The following DTHD1 variants were observed in gnomAD, a reference collection of about 807,000 sequenced individuals.
The protein encoded by DTHD1 is death domain containing 1, also known as death domain-containing protein 1.
In DTHD1, 59 loss-of-function variants were observed where a neutral mutation model predicts 74.8. That is an observed-to-expected ratio of 0.79 (90% CI 0.64 to 0.98). DTHD1 has a LOEUF of 0.98. Among genes scored for constraint, DTHD1 ranks in the 50% least tolerant of loss-of-function variants. The pLI, the probability that DTHD1 is intolerant of heterozygous loss-of-function variation, is 0.00. For missense variants in DTHD1, 1,051 were observed against 1,065.4 expected (o/e 0.99, Z 0.19); for synonymous variants, 365 against 371.1 (o/e 0.98, Z 0.19).
chr4:36,302,032 G>C (rs1578451029), intron 5 of DTHD1, among the ~76,000 whole-genome samples: 1 of 152,138 alleles, frequency 6.6e-6, no homozygotes, highest in East Asian at 1.9e-4. Context: ...GGGCATGTTG[G>C]GGGCCAGGGT....
rs573650901 is a variant in DTHD1, at chr4:36,334,802, A to T, written c.2341-4310A>T. Among the ~76,000 whole-genome samples the T allele has an allele frequency of 2.8e-4, 42 of 152,356 alleles. No homozygotes were observed. In the South Asian group the frequency reaches 7.7e-3, roughly 28 times the overall value. ...AATGGTGGAAGTAATCTTCATGGAT[A>T]CATAAAAACCTTGCTGTGCAGATTG... is the stretch of plus-strand genomic sequence containing the variant. On this transcript the variant is annotated intron_variant, in intron 8 of 9. Coordinates refer to ENST00000639862, the MANE Select transcript of DTHD1 (RefSeq NM_001170700.3).
intron 1 of DTHD1, among the ~76,000 whole-genome samples, chr4:36,282,441 T>G (rs1755454248): frequency 6.6e-6 from 1 of 152,190 alleles, no homozygotes. Flanking sequence ...GTAGTTTGTT[T>G]TTTATATCAG....
In DTHD1 at chr4:36,343,576, A is replaced by G. The variant is rs961842636; in HGVS notation, c.2473A>G (p.Thr825Ala). The stretch of plus-strand genomic sequence containing the variant: ...AGAAAATGCTGAGTCTCTTTCCTCA[A>G]CTCTCCCTCTGCGCCGTAGCACCAT... Reference protein sequence around the residue: ...SEENAESLSSTLPLRRSTIQL... With the variant: ...SEENAESLSSALPLRRSTIQL... Residue 825 changes from threonine (T) to alanine (A), a missense_variant, in exon 10 of 10, where the codon ACT becomes GCT. By Grantham distance (58) the Thr-to-Ala change is moderately conservative (BLOSUM62 0). Transcript: ENST00000639862. 1.9e-6 allele frequency: 3 copies of G among 1,551,000 alleles called. No homozygotes were observed. The highest frequency in any genetic ancestry group is 2.7e-5 in the African/African-American group (2 of 72,840).
At chr4:36,297,697 G>C (rs577288379) in intron 5 of DTHD1, among the ~76,000 whole-genome samples, 16 of 152,230 alleles carry the variant, frequency 1.1e-4, no homozygotes, top group Admixed American at 5.2e-4. Flanking sequence ...TGTGCAGCTG[G>C]AGGTTGTATC....
At position 36,346,589 on chromosome 4, in the gene DTHD1, C is replaced by T. The variant is rs1294653730; in HGVS notation, c.*2765C>T. On this transcript the variant is annotated 3_prime_UTR_variant, in exon 10 of 10. Coordinates refer to ENST00000639862, the MANE Select transcript of DTHD1 (RefSeq NM_001170700.3). ...ACTTGGATTGAGACCTGCCCCTGAA[C>T]ACCCTCAGTATTGATAGACACACCC... 6.6e-6 allele frequency among the ~76,000 whole-genome samples: 1 copy of T among 152,072 alleles called. No individual in the cohort carries two copies. The highest frequency in any genetic ancestry group is 1.5e-5 in the Non-Finnish European group (1 of 68,012).
intron 5 of DTHD1, among the ~76,000 whole-genome samples, chr4:36,304,152 C>T (rs1276633397): frequency 6.6e-6 from 1 of 152,168 alleles, no homozygotes; most frequent in East Asian, 1.9e-4. Context: ...CCTTGGGAGC[C>T]TGTTGGTCTC....
rs910237839 is a variant in DTHD1 at position 36,345,533 on chromosome 4, G to T, written c.*1709G>T. On this transcript the variant is annotated 3_prime_UTR_variant, in exon 10 of 10. Transcript: ENST00000639862. ...AAGACTTCCTTCTACAAATTAACCA[G>T]GGATTTAGATATCTATTCAGGTATA... The T allele has an allele frequency of 9.2e-5, 14 of 152,072 alleles. No homozygotes were observed. Among genetic ancestry groups the T allele is most frequent in the Admixed American group, 3.3e-4 (5 of 15,254 alleles). The allele number at this position is 152,072 out of a possible 1,614,324, so 9.4% of individuals were successfully genotyped here.
Position 36,343,492 on chromosome 4 carries a change from T to C in DTHD1, c.2399-10T>C. The C allele has an allele frequency of 6.5e-7, 1 of 1,549,238 alleles. No individual in the cohort carries two copies. Among genetic ancestry groups the C allele is most frequent in the Non-Finnish European group, 8.7e-7 (1 of 1,145,620 alleles). On this transcript the variant is annotated splice_polypyrimidine_tract_variant and intron_variant, in intron 9 of 9. Transcript: ENST00000639862. ...GTCCTAACCGTGAGTGTTCCTCCTG[T>C]GCCTGACAGAAGCCCTTTGGGATAA... is the stretch of plus-strand genomic sequence containing the variant.
At chr4:36,321,694 C>T (rs571264438) in intron 8 of DTHD1, among the ~76,000 whole-genome samples, 26 of 152,294 alleles carry the variant, frequency 1.7e-4, no homozygotes, top group African/African-American at 4.8e-4. Context: ...TGGTCTTCTA[C>T]GAAACTGGTT....
At chr4:36,306,509 T>C (rs1757062038) in intron 6 of DTHD1, among the ~76,000 whole-genome samples, 157 bp downstream of exon 6, 1 of 152,206 alleles carries the variant, frequency 6.6e-6, no homozygotes, top group South Asian at 2.1e-4. Context: ...AGAATTGACA[T>C]GGGTATGCTA....
chr4:36,336,628 TC>T, intron 8 of DTHD1, among the ~76,000 whole-genome samples: 1 of 152,162 alleles, frequency 6.6e-6, no homozygotes, highest in South Asian at 2.1e-4. Context: ...TGTTTGTAAC[TC>T]CCCCTAATAG....
rs1285802256 is a variant in DTHD1 at position 36,308,340 on chromosome 4, G to C, written c.1942G>C (p.Ala648Pro). 6.4e-7 allele frequency: 1 copy of C among 1,551,894 alleles called. No individual in the cohort carries two copies. ...CCAGAAGGACAATCCACATAGAATA[G>C]CTGTTTTAGTGGTGCCTTCCAAAGA... is the stretch of plus-strand genomic sequence containing the variant. Reference protein sequence around the residue: ...SHQKDNPHRIAVLVVPSKDLS... With the variant: ...SHQKDNPHRIPVLVVPSKDLS... The change falls in exon 7 of 10, where the codon GCT (alanine) becomes CCT (proline). Residue 648 changes from alanine to proline, a missense_variant. By Grantham distance (27) the Ala-to-Pro change is conservative. Transcript: ENST00000639862.
chr4:36,292,749 C>T (rs555679219), intron 3 of DTHD1, among the ~76,000 whole-genome samples: 2 of 152,314 alleles, frequency 1.3e-5, no homozygotes, highest in South Asian at 2.1e-4. Flanking sequence ...TGATTATCCA[C>T]GCATGCTGGG....
intron 5 of DTHD1, among the ~76,000 whole-genome samples, chr4:36,301,880 A>G (rs1756795241): frequency 6.6e-6 from 1 of 152,156 alleles, no homozygotes; most frequent in Non-Finnish European, 1.5e-5. Flanking sequence ...CTGGCAAGAA[A>G]ACATAGCATA....
Position 36,304,440 on chromosome 4 carries a change from A to G in DTHD1, c.1644-1751A>G, listed in dbSNP as rs145870740. ...CCAATACAGAGTAAGAAGTTTTCAG[A>G]GTAGACATATTAAATCAAGTTCAGT... is the stretch of plus-strand genomic sequence containing the variant. On this transcript the variant is annotated intron_variant, in intron 5 of 9. Coordinates refer to ENST00000639862, the MANE Select transcript of DTHD1 (RefSeq NM_001170700.3). Among the ~76,000 whole-genome samples the G allele has an allele frequency of 6.4e-3, 980 of 152,332 alleles. 9 individuals are homozygous for G. Among genetic ancestry groups the G allele is most frequent in the African/African-American group, 0.023 (946 of 41,562 alleles).
At position 36,345,419 on chromosome 4, in the gene DTHD1, T is replaced by C. The variant is rs1392388495; in HGVS notation, c.*1595T>C. The C allele has an allele frequency of 6.6e-6, 1 of 152,214 alleles. No homozygotes were observed. Among genetic ancestry groups the C allele is most frequent in the African/African-American group, 2.4e-5 (1 of 41,454 alleles). 9.4% of individuals were successfully genotyped at this position (152,214 alleles called of 1,614,324 possible). A position where few individuals can be genotyped will look rare whatever the true frequency, so the allele number is the denominator to read the frequency against. On this transcript the variant is annotated 3_prime_UTR_variant, in exon 10 of 10. Transcript: ENST00000639862. ...TAGGTCGTTGGCTTGAAAACATCGG[T>C]AGCAATTAGTTTCAGTTATTGAATA...
chr4:36,339,133 C>A lies in DTHD1; in HGVS notation c.2362C>A (p.Pro788Thr), dbSNP rs56412718. The A allele has an allele frequency of 0.04, 61,422 of 1,546,164 alleles. 1,388 individuals carry two copies. The highest frequency in any genetic ancestry group is 0.045 in the Non-Finnish European group (50,870 of 1,142,808). Reference protein sequence around the residue: ...LPKHKKLINRPQSTKRVSKDP... With the variant: ...LPKHKKLINRTQSTKRVSKDP... ...ATAGCATAAGAAATTAATCAACCGTCCACAGAGTACCAAAAGAGTTTCTAA... is the reference window on the plus strand; with the variant it reads ...ATAGCATAAGAAATTAATCAACCGTACACAGAGTACCAAAAGAGTTTCTAA... The change falls in exon 9 of 10, where the codon CCA becomes ACA. Residue 788 changes from proline to threonine, a missense_variant. Transcript: ENST00000639862.
intron 5 of DTHD1, among the ~76,000 whole-genome samples, chr4:36,305,260 A>T (rs146574613): frequency 1.1e-3 from 173 of 152,324 alleles, no homozygotes; most frequent in African/African-American, 4.1e-3. Context: ...ACTGATAAAG[A>T]CATACCCAAG....
intron 7 of DTHD1, among the ~76,000 whole-genome samples, chr4:36,313,583 A>C (rs1288624498): frequency 6.6e-6 from 1 of 152,228 alleles, no homozygotes; most frequent in Non-Finnish European, 1.5e-5. Flanking sequence ...TTACAACATG[A>C]AGATTATGCT....
Sources: allele counts gnomAD v4.1 joint callset (sites outside exome capture counted in the v4.1 genomes callset), GRCh38; gene constraint gnomAD v4.1.1; transcripts MANE v1.5; gene names NCBI Gene and HGNC (gene_info 2026-07-23, HGNC 2026-07-21).